NALCN: variants seen among roughly 807,000 people sequenced by gnomAD.
NALCN encodes the protein sodium leak channel, non-selective.
Under a neutral mutation model 225.3 loss-of-function variants are expected in NALCN, and 111 were observed. The ratio of observed to expected loss-of-function variants is 0.49; its 90% confidence interval spans 0.42 to 0.58. NALCN has a LOEUF of 0.58. NALCN is among the 20% of genes least tolerant of loss of function. NALCN has a pLI of 0.00. For synonymous variants in NALCN, 764 were observed against 769.0 expected, an observed-to-expected ratio of 0.99 and a Z score of 0.11; for missense variants, 1,378 against 2,202.4, an observed-to-expected ratio of 0.63 and a Z score of 7.49.
At chr13:101,250,156 T>A (rs938743321) in intron 11 of NALCN, among the ~76,000 whole-genome samples, 30 of 152,000 alleles carry the variant, frequency 2.0e-4, no homozygotes, top group Non-Finnish European at 3.8e-4. Context: ...TAACAAAAAA[T>A]GTGGAAGACC....
In NALCN at chr13:101,111,142, A is replaced by G; in HGVS notation, c.2277T>C (p.His759=). 1 of 1,607,520 alleles carries G rather than the reference A, an allele frequency of 6.2e-7. No individual in the cohort carries two copies. Among genetic ancestry groups the G allele is most frequent in the East Asian group, 2.2e-5 (1 of 44,656 alleles). The change falls in exon 19 of 44, where the codon CAT becomes CAC. Residue 759 remains histidine (H), a synonymous_variant. Coordinates refer to ENST00000251127, the MANE Select transcript of NALCN (RefSeq NM_052867.4). The part of the protein sequence containing the change: ...KERSILSVQH[H]IRQERRSLRH... ...GTATTTACCTGCGCTCTTGGCGGAT[A>G]TGATGCTGCACGCTGAGGATTGACC...
chr13:101,301,375 T>C (rs1023576890), intron 7 of NALCN, among the ~76,000 whole-genome samples: 14 of 152,038 alleles, frequency 9.2e-5, no homozygotes, highest in Non-Finnish European at 2.1e-4. Context: ...TGAGGAGCAG[T>C]GAGGTCAGGT....
intron 18 of NALCN, among the ~76,000 whole-genome samples, chr13:101,113,953 A>G (rs535087723): frequency 5.3e-4 from 81 of 152,192 alleles, no homozygotes; most frequent in Non-Finnish European, 1.1e-3. Flanking sequence ...TGATGAACAG[A>G]ATGAGTAAGT....
intron 7 of NALCN, among the ~76,000 whole-genome samples, chr13:101,335,743 C>T (rs917594793): frequency 6.6e-6 from 1 of 151,108 alleles, no homozygotes; most frequent in African/African-American, 2.4e-5. Flanking sequence ...ATCTCAATTA[C>T]ATATTTTACA....
chr13:101,176,398 G>GA lies in NALCN; in HGVS notation c.1765-25dup, dbSNP rs1164770216. 4.5e-6 allele frequency: 7 copies of GA among 1,551,104 alleles called. No homozygotes were observed. In the East Asian group the frequency reaches 9.3e-5, roughly 21 times the overall value. ...ATCTATAAAATGGTGAAATAACAAT[G>GA]AAAAAACCCACATGCCATAAGTATC... is the stretch of plus-strand genomic sequence containing the variant. On this transcript the variant is annotated intron_variant, in intron 14 of 43. Transcript: ENST00000251127.
At chr13:101,213,265 T>A (rs1327621690) in intron 13 of NALCN, among the ~76,000 whole-genome samples, 2 of 152,058 alleles carry the variant, frequency 1.3e-5, no homozygotes, top group Non-Finnish European at 1.5e-5. Context: ...TGAAACTGGA[T>A]CCCTTCCTTA....
intron 6 of NALCN, among the ~76,000 whole-genome samples, chr13:101,363,681 T>G (rs1367841611): frequency 6.6e-6 from 1 of 152,002 alleles, no homozygotes; most frequent in African/African-American, 2.4e-5. Flanking sequence ...GGCAAATTTT[T>G]GGGGGGACAA....
intron 1 of NALCN, among the ~76,000 whole-genome samples, chr13:101,400,698 G>A (rs762361191): frequency 5.3e-5 from 8 of 152,072 alleles, no homozygotes; most frequent in Non-Finnish European, 1.2e-4. Context: ...TATCCCCATC[G>A]CTATGTGCTC....
intron 15 of NALCN, among the ~76,000 whole-genome samples, chr13:101,161,029 T>C (rs1001668640): frequency 6.6e-6 from 1 of 152,204 alleles, no homozygotes; most frequent in Non-Finnish European, 1.5e-5. Context: ...GGCTCCAGCA[T>C]ATTTTTTCTT....
At chr13:101,108,055 A>C (rs992726215) in intron 20 of NALCN, among the ~76,000 whole-genome samples, 1 of 147,890 alleles carries the variant, frequency 6.8e-6, no homozygotes, top group Non-Finnish European at 1.5e-5. Flanking sequence ...TATTTATACT[A>C]AGTATATATT....
chr13:101,384,207 T>C (rs2046923964), intron 3 of NALCN, among the ~76,000 whole-genome samples: 1 of 152,100 alleles, frequency 6.6e-6, no homozygotes, highest in South Asian at 2.1e-4. Flanking sequence ...GAATGCCCAG[T>C]GGTACTCAAG....
intron 9 of NALCN, among the ~76,000 whole-genome samples, 190 bp from the exon 10 acceptor site, chr13:101,284,209 T>C (rs2043263703): frequency 1.3e-5 from 2 of 152,228 alleles, no homozygotes; most frequent in Admixed American, 1.3e-4. Flanking sequence ...AGAACAATGA[T>C]AATAACTTGA....
At chr13:101,388,967 A>C (rs1184693308) in intron 3 of NALCN, among the ~76,000 whole-genome samples, 3 of 152,106 alleles carry the variant, frequency 2.0e-5, no homozygotes, top group Non-Finnish European at 2.9e-5. Context: ...GCAACTACAC[A>C]GAATGTGAGC....
chr13:101,284,138 T>A, intron 9 of NALCN, 119 bp from the exon 10 acceptor site: 1 of 756,620 alleles, frequency 1.3e-6, no homozygotes, highest in Non-Finnish European at 2.1e-6. Context: ...TGGATTTATA[T>A]TTGGAATGAA....
chr13:101,305,027 T>A (rs2044109818), intron 7 of NALCN, among the ~76,000 whole-genome samples: 1 of 152,162 alleles, frequency 6.6e-6, no homozygotes, highest in South Asian at 2.1e-4. Flanking sequence ...AGTGCTGGGA[T>A]TACAGGCATG....
At chr13:101,178,930 C>T (rs899312579) in intron 14 of NALCN, among the ~76,000 whole-genome samples, 1 of 152,148 alleles carries the variant, frequency 6.6e-6, no homozygotes, top group Non-Finnish European at 1.5e-5. Context: ...GGCTCTCTCT[C>T]CTCTACCTTT....
intron 15 of NALCN, among the ~76,000 whole-genome samples, chr13:101,158,612 C>T (rs887641149): frequency 1.3e-5 from 2 of 152,224 alleles, no homozygotes; most frequent in African/African-American, 2.4e-5. Context: ...TCACTCTACC[C>T]CCATCTGCAC....
chr13:101,273,180 G>A (rs980879511), intron 10 of NALCN, among the ~76,000 whole-genome samples: 2 of 152,190 alleles, frequency 1.3e-5, no homozygotes, highest in Non-Finnish European at 2.9e-5. Flanking sequence ...AGCCACATCT[G>A]TCAAAGTGTC....
intron 6 of NALCN, among the ~76,000 whole-genome samples, chr13:101,355,139 G>A (rs2046015780): frequency 6.6e-6 from 1 of 152,184 alleles, no homozygotes. Context: ...ATGATTGTAA[G>A]CTTCCTGAGG....
Sources: allele counts gnomAD v4.1 joint callset (sites outside exome capture counted in the v4.1 genomes callset), GRCh38; gene constraint gnomAD v4.1.1; transcripts MANE v1.5; gene names NCBI Gene and HGNC (gene_info 2026-07-23, HGNC 2026-07-21).